C1QTNF1: variants seen among roughly 807,000 people sequenced by gnomAD.
C1QTNF1 encodes complement C1q tumor necrosis factor-related protein 1.
In C1QTNF1, 22 loss-of-function variants were observed where a neutral mutation model predicts 27.8. That is an observed-to-expected ratio of 0.79 (90% CI 0.56 to 1.13). C1QTNF1 has a LOEUF of 1.13. Among genes scored for constraint, C1QTNF1 ranks in the 50% most tolerant of loss-of-function variants. The probability of loss-of-function intolerance (pLI) is 0.00; values close to 1 mark genes in which losing one functional copy is unlikely to be tolerated. For missense variants in C1QTNF1, 373 were observed against 380.2 expected, an observed-to-expected ratio of 0.98 and a Z score of 0.16; for synonymous variants, 166 against 154.3, an observed-to-expected ratio of 1.08 and a Z score of -0.56.
rs2071853904 is a variant in C1QTNF1, at chr17:79,024,206, A to G, written c.-303A>G. Reference sequence around the variant, plus strand: ...GCTTCGCTCCTTGCGCGTCTGTCCCACTTTCTCCCTCTCTTCCTTTACTTT... The same window carrying G: ...GCTTCGCTCCTTGCGCGTCTGTCCCGCTTTCTCCCTCTCTTCCTTTACTTT... On this transcript the variant is annotated 5_prime_UTR_variant, in exon 1 of 4. Transcript: ENST00000579760. 1 of 152,234 alleles carries G rather than the reference A, an allele frequency of 6.6e-6. No homozygotes were observed. The highest frequency in any genetic ancestry group is 1.5e-5 in the Non-Finnish European group (1 of 68,122). 9.4% of individuals were successfully genotyped at this position (152,234 alleles called of 1,614,324 possible).
intron 2 of C1QTNF1, 97 bp downstream of exon 2, chr17:79,044,220 G>A: frequency 7.5e-7 from 1 of 1,340,668 alleles, no homozygotes; most frequent in South Asian, 1.5e-5. Flanking sequence ...ACTGTGAGAT[G>A]TGAAGGCAAG....
At chr17:79,031,699 C>A (rs1244138290) in intron 1 of C1QTNF1, among the ~76,000 whole-genome samples, 2 of 152,226 alleles carry the variant, frequency 1.3e-5, no homozygotes, top group African/African-American at 4.8e-5. Flanking sequence ...CTGCCTCAGC[C>A]TCCCAAAGTG....
chr17:79,047,182 G>A (rs1488905697), intron 3 of C1QTNF1: 3 of 273,260 alleles, frequency 1.1e-5, no homozygotes, highest in Non-Finnish European at 2.0e-5. Context: ...CGGTCTGGCC[G>A]CAGAGCCCAT....
intron 1 of C1QTNF1, among the ~76,000 whole-genome samples, chr17:79,042,744 G>A (rs2072446980): frequency 1.3e-5 from 2 of 152,218 alleles, no homozygotes; most frequent in Non-Finnish European, 2.9e-5. Flanking sequence ...CTTCCCGAGA[G>A]GCTGGGTGGG....
chr17:79,039,599 G>A (rs560311399), intron 1 of C1QTNF1, among the ~76,000 whole-genome samples: 1 of 152,130 alleles, frequency 6.6e-6, no homozygotes, highest in African/African-American at 2.4e-5. Context: ...GTTGCAGTGA[G>A]CCAAGATCGC....
chr17:79,043,497 G>A (rs2072477240), intron 1 of C1QTNF1: 1 of 451,002 alleles, frequency 2.2e-6, no homozygotes, highest in Admixed American at 2.4e-5. Context: ...TTGCATGAGT[G>A]TGCATGTGAT....
rs73408669 is a variant in C1QTNF1 at position 79,046,442 on chromosome 17, G to C, written c.156-113G>C. On this transcript the variant is annotated intron_variant, in intron 2 of 3. Coordinates refer to ENST00000579760, the MANE Select transcript of C1QTNF1 (RefSeq NM_030968.5). This position sits in a 1 kb window ranked among gnomAD's most constrained non-coding sequence, Gnocchi z 4.8. ...GTGAACACAGAGCCTTGTGGGTCCA[G>C]GTGAGAGAGTGAGAAGGCAGGTCAG... 2.8e-6 allele frequency: 4 copies of C among 1,436,980 alleles called. No individual in the cohort carries two copies. In the South Asian group the frequency reaches 3.8e-5, roughly 14 times the overall value. 89.0% of individuals were successfully genotyped at this position (1,436,980 alleles called of 1,614,324 possible). A position where few individuals can be genotyped will look rare whatever the true frequency, so the allele number is the denominator to read the frequency against.
chr17:79,028,509 G>C (rs2072036586), intron 1 of C1QTNF1, among the ~76,000 whole-genome samples: 1 of 152,208 alleles, frequency 6.6e-6, no homozygotes, highest in Non-Finnish European at 1.5e-5. Context: ...CATTCTCCTT[G>C]TAAAGAATCT....
At chr17:79,043,920 C>G in intron 1 of C1QTNF1, 35 bp from the exon 2 acceptor site, 1 of 1,611,070 alleles carries the variant, frequency 6.2e-7, no homozygotes, top group Non-Finnish European at 8.5e-7. Flanking sequence ...TCCTTCCTAA[C>G]TCGGTGCCTT....
At chr17:79,032,362 A>G (rs895003250) in intron 1 of C1QTNF1, among the ~76,000 whole-genome samples, 1 of 152,210 alleles carries the variant, frequency 6.6e-6, no homozygotes, top group African/African-American at 2.4e-5. Flanking sequence ...GAGTAGCTCC[A>G]GGGAGCTGGA....
intron 1 of C1QTNF1, among the ~76,000 whole-genome samples, chr17:79,035,821 G>T (rs2072252348): frequency 6.6e-6 from 1 of 152,188 alleles, no homozygotes; most frequent in African/African-American, 2.4e-5. Flanking sequence ...TAAACTGGGG[G>T]CGGGGGCAAT....
chr17:79,044,544 C>G (rs1275532598), intron 2 of C1QTNF1, among the ~76,000 whole-genome samples: 1 of 152,188 alleles, frequency 6.6e-6, no homozygotes, highest in African/African-American at 2.4e-5. Context: ...GGACCAAGAG[C>G]TGGTGTCCAT....
chr17:79,032,668 C>T (rs560086803), intron 1 of C1QTNF1, among the ~76,000 whole-genome samples: 2 of 152,150 alleles, frequency 1.3e-5, no homozygotes, highest in East Asian at 1.9e-4. Flanking sequence ...CGGGACCCCG[C>T]GTGATGGCAT....
Position 79,046,633 on chromosome 17 carries a change from C to A in C1QTNF1, c.234C>A (p.Asp78Glu), listed in dbSNP as rs773030872. ...CTTCCCGGTGCTTGCGCTGCTGTGA[C>A]CCCGGTACCTCCATGTACCCGGCGA... The part of the protein sequence containing the change: ...LPASRCLRCC[D>E]PGTSMYPATA... Residue 78 changes from aspartate to glutamate, a missense_variant, in exon 3 of 4, where the codon GAC becomes GAA. Coordinates refer to ENST00000579760, the MANE Select transcript of C1QTNF1 (RefSeq NM_030968.5). The surrounding 1 kb of genome is among the most constrained non-coding windows in gnomAD (Gnocchi z 4.8). The A allele has an allele frequency of 6.2e-6, 10 of 1,614,238 alleles. No homozygotes were observed. Among genetic ancestry groups the A allele is most frequent in the Non-Finnish European group, 2.5e-6 (3 of 1,180,036 alleles).
At chr17:79,045,400 G>T (rs2145928784) in intron 2 of C1QTNF1, among the ~76,000 whole-genome samples, 1 of 152,290 alleles carries the variant, frequency 6.6e-6, no homozygotes, top group South Asian at 2.1e-4. Flanking sequence ...AGGAATCATG[G>T]GAAAGCTTGA....
In C1QTNF1 at chr17:79,046,847, A is replaced by T. The variant is rs2072588917; in HGVS notation, c.295+153A>T. The T allele has an allele frequency of 9.9e-7, 1 of 1,011,284 alleles. No homozygotes were observed. Among genetic ancestry groups the T allele is most frequent in the East Asian group, 2.6e-5 (1 of 38,162 alleles). 62.6% of individuals were successfully genotyped at this position (1,011,284 alleles called of 1,614,324 possible). A position where few individuals can be genotyped will look rare whatever the true frequency, so the allele number is the denominator to read the frequency against. On this transcript the variant is annotated intron_variant, in intron 3 of 3. Transcript: ENST00000579760. The surrounding 1 kb of genome is among the most constrained non-coding windows in gnomAD (Gnocchi z 4.8). Reference sequence around the variant, plus strand: ...CAGGCAGGCTGTCATCTAGAGGGGAAGGCACAGGAAATTCTGATTTTGAGG... The same window carrying T: ...CAGGCAGGCTGTCATCTAGAGGGGATGGCACAGGAAATTCTGATTTTGAGG...
intron 1 of C1QTNF1, among the ~76,000 whole-genome samples, chr17:79,028,508 T>C (rs538198998): frequency 7.9e-5 from 12 of 152,136 alleles, no homozygotes; most frequent in Non-Finnish European, 1.5e-4. Flanking sequence ...CCATTCTCCT[T>C]GTAAAGAATC....
intron 1 of C1QTNF1, chr17:79,043,710 T>G: frequency 1.6e-6 from 1 of 609,582 alleles, no homozygotes; most frequent in Non-Finnish European, 3.1e-6. Context: ...GGGGGTTGCA[T>G]GTATGTGAAT....
chr17:79,030,642 C>T (rs113356688), intron 1 of C1QTNF1, among the ~76,000 whole-genome samples: 2,630 of 149,914 alleles, frequency 0.018, 74 homozygotes, highest in African/African-American at 0.058. Flanking sequence ...CTATGTTGTC[C>T]GGGCTGGAGG....
Sources: allele counts gnomAD v4.1 joint callset (sites outside exome capture counted in the v4.1 genomes callset), GRCh38; gene constraint gnomAD v4.1.1; non-coding constraint Gnocchi (gnomAD v3.1); transcripts MANE v1.5; gene names NCBI Gene and HGNC (gene_info 2026-07-23, HGNC 2026-07-21).